TRERF1: variants seen among roughly 807,000 people sequenced by gnomAD.
TRERF1 encodes transcriptional regulating factor 1.
In TRERF1, 27 loss-of-function variants were observed where a neutral mutation model predicts 122.9. The observed-to-expected ratio is 0.22, with a 90% CI of 0.16 to 0.30. The LOEUF is 0.30. Among genes scored for constraint, TRERF1 ranks in the 10% least tolerant of loss-of-function variants. The pLI is 1.00. For synonymous variants in TRERF1, 636 were observed against 641.7 expected, an observed-to-expected ratio of 0.99 and a Z score of 0.13; for missense variants, 1,248 against 1,560.3, an observed-to-expected ratio of 0.80 and a Z score of 3.37.
At chr6:42,290,326 G>GACT (rs763485220) in intron 4 of TRERF1, among the ~76,000 whole-genome samples, 6 of 152,160 alleles carry the variant, frequency 3.9e-5, no homozygotes, top group Non-Finnish European at 7.4e-5. Flanking sequence ...AGGACGTCGC[G>GACT]ACTTTTGCTT....
chr6:42,421,397 A>T (rs933242108), intron 2 of TRERF1, among the ~76,000 whole-genome samples: 2 of 152,174 alleles, frequency 1.3e-5, no homozygotes, highest in Admixed American at 1.3e-4. Flanking sequence ...CAAGAAACAA[A>T]TGCTGACCCA....
At chr6:42,374,219 G>A (rs1044126945) in intron 2 of TRERF1, among the ~76,000 whole-genome samples, 11 of 151,994 alleles carry the variant, frequency 7.2e-5, no homozygotes, top group Non-Finnish European at 1.2e-4. Flanking sequence ...CCAGGCAGCC[G>A]GGGGCGGGTG....
intron 3 of TRERF1, among the ~76,000 whole-genome samples, chr6:42,348,384 G>T (rs181340451): frequency 6.6e-6 from 1 of 152,238 alleles, no homozygotes; most frequent in African/African-American, 2.4e-5. Context: ...CTCCCAAGTA[G>T]CTGGGATTAC....
intron 2 of TRERF1, among the ~76,000 whole-genome samples, chr6:42,384,919 T>G (rs1776541870): frequency 6.6e-6 from 1 of 151,636 alleles, no homozygotes; most frequent in South Asian, 2.1e-4. Context: ...ATTCTCCCAC[T>G]TCAGCTTCTT....
chr6:42,265,420 C>T (rs1336718144), intron 6 of TRERF1, among the ~76,000 whole-genome samples: 3 of 152,204 alleles, frequency 2.0e-5, no homozygotes, highest in Non-Finnish European at 4.4e-5. Context: ...ATGGGCTTTG[C>T]AGTCAATCCC....
intron 2 of TRERF1, among the ~76,000 whole-genome samples, chr6:42,445,281 AC>A (rs1231814723): frequency 0.012 from 1,683 of 138,938 alleles, 56 homozygotes; most frequent in South Asian, 0.055. Context: ...AAAAAAAAAA[AC>A]AAAAAACGAT....
At chr6:42,241,198 TAAAACATTAGGCC>T (rs1466974860) in intron 15 of TRERF1, among the ~76,000 whole-genome samples, 1 of 152,114 alleles carries the variant, frequency 6.6e-6, no homozygotes. Context: ...ACATGTTTTT[TAAAACATTAGGCC>T]ACAAACGAGC....
At chr6:42,283,890 A>T (rs1029791805) in intron 4 of TRERF1, among the ~76,000 whole-genome samples, 2 of 152,154 alleles carry the variant, frequency 1.3e-5, no homozygotes, top group African/African-American at 4.8e-5. Flanking sequence ...TGCTGGGATT[A>T]CAGGTGTGAG....
Position 42,259,367 on chromosome 6 carries a change from G to T in TRERF1, c.2241C>A (p.Pro747=). ...AGCGACACAGCAGCACCCGTGGTGT[G>T]GGCGTCAGGGGCGTCAGGGGCAGCT... Residue 747 remains proline (P), a synonymous_variant, in exon 9 of 18, where the codon CCC becomes CCA. Coordinates refer to ENST00000372922, the Ensembl canonical transcript of TRERF1. This position sits in a 1 kb window ranked among gnomAD's most constrained non-coding sequence, Gnocchi z 4.9. 6.6e-7 allele frequency: 1 copy of T among 1,513,154 alleles called. No homozygotes were observed. The highest frequency in any genetic ancestry group is 2.2e-5 in the Admixed American group (1 of 45,172). 93.7% of individuals were successfully genotyped at this position (1,513,154 alleles called of 1,614,324 possible).
chr6:42,443,153 G>C (rs893027880), intron 2 of TRERF1, among the ~76,000 whole-genome samples: 5 of 152,046 alleles, frequency 3.3e-5, no homozygotes, highest in Non-Finnish European at 5.9e-5. Context: ...CAAAATCAAC[G>C]ACACATATTT....
intron 13 of TRERF1, among the ~76,000 whole-genome samples, chr6:42,253,968 T>C (rs939279542): frequency 2.0e-5 from 3 of 152,124 alleles, no homozygotes; most frequent in African/African-American, 7.2e-5. Flanking sequence ...CCCTCCAAAA[T>C]AAAGAACCAA....
chr6:42,317,518 C>T (rs1332554735), intron 3 of TRERF1, among the ~76,000 whole-genome samples: 1 of 151,860 alleles, frequency 6.6e-6, no homozygotes, highest in Non-Finnish European at 1.5e-5. Context: ...TTATCCCCGG[C>T]TAATTAAAAA....
chr6:42,403,427 G>A (rs1210319656), intron 2 of TRERF1, among the ~76,000 whole-genome samples: 1 of 151,978 alleles, frequency 6.6e-6, no homozygotes, highest in Non-Finnish European at 1.5e-5. Flanking sequence ...AGAATGCCAC[G>A]TGACAATGGA....
At position 42,228,474 on chromosome 6, in the gene TRERF1, A is replaced by G. The variant is rs7744694; in HGVS notation, c.3474T>C (p.Asp1158=). ...CGACGTCGTCGTCGAGGATGTCCAC[A>G]TCCTTGATGGGTTTGATCAGACTCA... Residue 1158 remains aspartate, a synonymous_variant, in exon 18 of 18, where the codon GAT becomes GAC. Coordinates refer to ENST00000372922, the Ensembl canonical transcript of TRERF1. The surrounding 1 kb of genome is among the most constrained non-coding windows in gnomAD (Gnocchi z 4.2). The G allele has an allele frequency of 6.0e-3, 9,724 of 1,614,150 alleles. 531 individuals carry two copies. The African/African-American group carries it at 0.11, about 18-fold the overall frequency.
intron 8 of TRERF1, among the ~76,000 whole-genome samples, chr6:42,260,267 C>T (rs1777593660): frequency 6.6e-6 from 1 of 151,824 alleles, no homozygotes; most frequent in Non-Finnish European, 1.5e-5. Context: ...GGAGAGCCTT[C>T]GATGACCTCT....
chr6:42,268,606 G>A lies in TRERF1; in HGVS notation c.985C>T (p.Pro329Ser), dbSNP rs1779656871. Residue 329 changes from proline (P) to serine (S), a missense_variant, in exon 5 of 18, where the codon CCC becomes TCC. Around this residue, in one of 5 missense-constraint regions of TRERF1, gnomAD observed 946 missense variants for 1,073.0 expected, o/e 0.88. Transcript: ENST00000372922. The surrounding 1 kb of genome is among the most constrained non-coding windows in gnomAD (Gnocchi z 4.4). ...TGCAAGTGCTGCATCATGGGTTGGG[G>A]CTGATAATACTGAGGTATCTGCATT... 1.2e-6 allele frequency: 2 copies of A among 1,614,044 alleles called. No homozygotes were observed. Among genetic ancestry groups the A allele is most frequent in the Non-Finnish European group, 1.7e-6 (2 of 1,179,886 alleles).
At chr6:42,292,233 AGTTGGTTTG>A (rs1392255454) in intron 4 of TRERF1, among the ~76,000 whole-genome samples, 1 of 152,036 alleles carries the variant, frequency 6.6e-6, no homozygotes, top group Non-Finnish European at 1.5e-5. Context: ...GGCATGATTG[AGTTGGTTTG>A]GTTATTTGTT....
chr6:42,417,471 G>A (rs1334406360), intron 2 of TRERF1, among the ~76,000 whole-genome samples: 1 of 152,162 alleles, frequency 6.6e-6, no homozygotes, highest in African/African-American at 2.4e-5. Flanking sequence ...TGTCACCTGA[G>A]TGAAGGGTTA....
intron 2 of TRERF1, among the ~76,000 whole-genome samples, chr6:42,403,459 G>T (rs1277166893): frequency 6.6e-6 from 1 of 152,142 alleles, no homozygotes; most frequent in Non-Finnish European, 1.5e-5. Flanking sequence ...CAGTGATGTT[G>T]CTACAAGCCA....
Sources: allele counts gnomAD v4.1 joint callset (sites outside exome capture counted in the v4.1 genomes callset), GRCh38; gene constraint gnomAD v4.1.1; regional missense constraint gnomAD v4.1.1; non-coding constraint Gnocchi (gnomAD v3.1); transcripts MANE v1.5; gene names NCBI Gene and HGNC (gene_info 2026-07-23, HGNC 2026-07-21).